PRB4: variants seen among roughly 807,000 people sequenced by gnomAD.
PRB4 encodes basic salivary proline-rich protein 4.
PRB4 carries 14 observed loss-of-function variants against 9.1 expected under a neutral mutation model. The observed-to-expected ratio is 1.54, with a 90% CI of 1.02 to 2.41. The LOEUF (loss-of-function observed/expected upper bound fraction) is 2.41, where lower values mean the gene tolerates loss of function less well. PRB4 is among the 30% of genes most tolerant of loss of function. PRB4 has a pLI of 0.00. For missense variants in PRB4, 381 were observed against 299.3 expected (o/e 1.27, Z -2.02); for synonymous variants, 102 against 108.5 (o/e 0.94, Z 0.37).
chr12:11,308,233 C>A lies in PRB4; in HGVS notation c.*6G>T, dbSNP rs773277068. 1 of 1,609,056 alleles carries A rather than the reference C, an allele frequency of 6.2e-7. No individual in the cohort carries two copies. The highest frequency in any genetic ancestry group is 1.1e-5 in the South Asian group (1 of 90,112). On this transcript the variant is annotated 3_prime_UTR_variant, in exon 3 of 4. Coordinates refer to ENST00000279575, the MANE Select transcript of PRB4 (RefSeq NM_002723.6). ...AGTGGAATCATACCTGTCATTGAAT[C>A]CTAGATTACTGGGGAGGCTGTTGTC...
chr12:11,308,923 G>A, intron 2 of PRB4, 41 bp from the exon 3 acceptor site: 1 of 1,611,896 alleles, frequency 6.2e-7, no homozygotes. Flanking sequence ...CTGAATAGTT[G>A]CCACAAATTT....
chr12:11,309,369 C>T lies in PRB4; in HGVS notation c.100+1G>A, dbSNP rs767656971. On this transcript the variant is annotated splice_donor_variant, in intron 2 of 3. Coordinates refer to ENST00000279575, the MANE Select transcript of PRB4 (RefSeq NM_002723.6). LOFTEE classifies it high-confidence loss of function. ...CAGATTGAGAATGAATTGGGATTTA[C>T]CTGATATTAGGAAGAGAGATTCTTC... 6.2e-7 allele frequency: 1 copy of T among 1,614,148 alleles called. No homozygotes were observed. Among genetic ancestry groups the T allele is most frequent in the Non-Finnish European group, 8.5e-7 (1 of 1,179,976 alleles).
intron 1 of PRB4, 37 bp from the exon 2 acceptor site, chr12:11,309,442 T>A: frequency 6.2e-7 from 1 of 1,614,006 alleles, no homozygotes; most frequent in Non-Finnish European, 8.5e-7. Flanking sequence ...AAATGTTACA[T>A]CTCAAATCTT....
chr12:11,308,919 A>C, intron 2 of PRB4, 37 bp from the exon 3 acceptor site: 1 of 1,612,556 alleles, frequency 6.2e-7, no homozygotes. Flanking sequence ...TTCACTGAAT[A>C]GTTGCCACAA....
In PRB4 at chr12:11,308,962, G is replaced by C. The variant is rs921216790; in HGVS notation, c.101-80C>G. 10 of 1,563,674 alleles carry C rather than the reference G, an allele frequency of 6.4e-6. No homozygotes were observed. In the African/African-American group the frequency reaches 1.4e-4, roughly 21 times the overall value. The stretch of plus-strand genomic sequence containing the variant: ...CAGTAATGGAGCTAAATGGGGAAAT[G>C]CACAAAAATGAGACCCAGATACTAA... On this transcript the variant is annotated intron_variant, in intron 2 of 3. Coordinates refer to ENST00000279575, the MANE Select transcript of PRB4 (RefSeq NM_002723.6).
intron 1 of PRB4, among the ~76,000 whole-genome samples, chr12:11,310,045 C>A (rs535848980): frequency 2.0e-5 from 3 of 152,328 alleles, no homozygotes; most frequent in Middle Eastern, 3.4e-3. Flanking sequence ...CTGGACTTCC[C>A]TGAATCTGCC....
intron 2 of PRB4, among the ~76,000 whole-genome samples, chr12:11,309,127 C>A (rs1862995153): frequency 6.6e-6 from 1 of 152,134 alleles, no homozygotes; most frequent in East Asian, 1.9e-4. Context: ...AGGAGGCACT[C>A]CTGGCCAGGG....
intron 1 of PRB4, among the ~76,000 whole-genome samples, chr12:11,309,973 C>CT (rs1305189129): frequency 6.6e-6 from 1 of 152,146 alleles, no homozygotes; most frequent in Non-Finnish European, 1.5e-5. Context: ...TGCCGACTGT[C>CT]TGTACAGCAA....
At chr12:11,309,269 A>C in intron 2 of PRB4, 101 bp downstream of exon 2, 1 of 1,588,190 alleles carries the variant, frequency 6.3e-7, no homozygotes, top group Non-Finnish European at 8.6e-7. Flanking sequence ...ACATTAATCA[A>C]TTCCTGAAAG....
chr12:11,309,430 G>C, intron 1 of PRB4, 25 bp from the exon 2 acceptor site: 2 of 1,614,058 alleles, frequency 1.2e-6, no homozygotes, highest in Non-Finnish European at 1.7e-6. Flanking sequence ...CAGGATGATG[G>C]GAAATGTTAC....
intron 1 of PRB4, among the ~76,000 whole-genome samples, chr12:11,309,879 T>C (rs908531063): frequency 9.9e-5 from 15 of 152,206 alleles, no homozygotes; most frequent in African/African-American, 3.4e-4. Flanking sequence ...CTGATATTTC[T>C]ACATCTTTAG....
In PRB4 at chr12:11,309,479, A is replaced by G. The variant is rs1266502216; in HGVS notation, c.65-74T>C. On this transcript the variant is annotated intron_variant, in intron 1 of 3. Coordinates refer to ENST00000279575, the MANE Select transcript of PRB4 (RefSeq NM_002723.6). The stretch of plus-strand genomic sequence containing the variant: ...AAGACTCACAAGTGTTCTACAGGGA[A>G]AATTGTCTTCTCACCACACCCCATG... 68 of 1,612,776 alleles carry G rather than the reference A, an allele frequency of 4.2e-5. No individual in the cohort carries two copies. The Admixed American group carries it at 1.1e-3, about 27-fold the overall frequency.
In PRB4 at chr12:11,308,393, G is replaced by A. The variant is rs751500315; in HGVS notation, c.590C>T (p.Pro197Leu). The A allele has an allele frequency of 3.1e-6, 5 of 1,604,132 alleles. No homozygotes were observed. Among genetic ancestry groups the A allele is most frequent in the African/African-American group, 1.3e-5 (1 of 74,688 alleles). Residue 197 changes from proline to leucine, a missense_variant, in exon 3 of 4, where the codon CCC becomes CTC. Coordinates refer to ENST00000279575, the MANE Select transcript of PRB4 (RefSeq NM_002723.6). Reference protein sequence around the residue: ...PQQEGNKPQGPPPPGKPQGPP... With the variant: ...PQQEGNKPQGLPPPGKPQGPP... ...GCCTTGTGGCTTTCCAGGAGGTGGG[G>A]GACCTTGAGGCTTGTTGCCTTCTTG...
chr12:11,307,734 T>C (rs1263012220), intron 3 of PRB4, among the ~76,000 whole-genome samples: 1 of 152,156 alleles, frequency 6.6e-6, no homozygotes, highest in East Asian at 1.9e-4. Flanking sequence ...AGCTTCATAT[T>C]TTTCCATTCC....
intron 1 of PRB4, 150 bp from the exon 2 acceptor site, chr12:11,309,555 G>A: frequency 6.8e-7 from 1 of 1,472,196 alleles, no homozygotes; most frequent in Non-Finnish European, 9.4e-7. Flanking sequence ...GCTGGAAGGG[G>A]TGGAAGGTGT....
chr12:11,309,448 A>G (rs1346560771), intron 1 of PRB4, 43 bp from the exon 2 acceptor site: 2 of 1,613,992 alleles, frequency 1.2e-6, no homozygotes, highest in African/African-American at 1.3e-5. Flanking sequence ...TACATCTCAA[A>G]TCTTCAAGAC....
intron 2 of PRB4, 109 bp downstream of exon 2, chr12:11,309,261 A>G (rs1035304304): frequency 1.6e-5 from 25 of 1,574,594 alleles, no homozygotes; most frequent in Admixed American, 1.3e-4. Context: ...GGGCAATAAC[A>G]TTAATCAATT....
In PRB4 at chr12:11,308,246, G is replaced by T. The variant is rs1445887384; in HGVS notation, c.737C>A (p.Pro246His). ...PPRPAQGQQP[P>H]Q ...CTGTCATTGAATCCTAGATTACTGGGGAGGCTGTTGTCCCTGGGCAGGTCT... is the reference window on the plus strand; with the variant it reads ...CTGTCATTGAATCCTAGATTACTGGTGAGGCTGTTGTCCCTGGGCAGGTCT... The change falls in exon 3 of 4, where the codon CCC becomes CAC. Residue 246 changes from proline to histidine, a missense_variant. Pro to His is a moderately conservative substitution (Grantham distance 77). This residue lies in a region of PRB4 where 204 missense variants were observed against 134.4 expected (regional missense o/e 1.52). Coordinates refer to ENST00000279575, the MANE Select transcript of PRB4 (RefSeq NM_002723.6). 1 of 1,610,610 alleles carries T rather than the reference G, an allele frequency of 6.2e-7. No homozygotes were observed. Among genetic ancestry groups the T allele is most frequent in the Non-Finnish European group, 8.5e-7 (1 of 1,178,604 alleles).
At chr12:11,310,306 C>T (rs755580471) in intron 1 of PRB4, 29 bp downstream of exon 1, 1 of 1,613,796 alleles carries the variant, frequency 6.2e-7, no homozygotes. Flanking sequence ...CCCAAGCAGT[C>T]ACCGCATCTT....
Sources: gnomAD v4.1 joint callset for allele counts (sites outside exome capture counted in the v4.1 genomes callset) on GRCh38, gnomAD v4.1.1 for gene constraint, gnomAD v4.1.1 regional missense constraint, MANE v1.5 for transcripts, NCBI Gene and HGNC (gene_info 2026-07-23, HGNC 2026-07-21) for gene names.